Variants in SLC2A13 observed in about 807,000 individuals in gnomAD.
SLC2A13 encodes the protein solute carrier family 2 member 13.
Under a neutral mutation model 64.4 loss-of-function variants are expected in SLC2A13, and 32 were observed. The observed-to-expected ratio is 0.50, with a 90% CI of 0.37 to 0.67. The LOEUF (loss-of-function observed/expected upper bound fraction) is 0.67, where lower values mean the gene tolerates loss of function less well. SLC2A13 is among the 30% of genes least tolerant of loss of function. The probability of loss-of-function intolerance (pLI) is 0.00; values close to 1 mark genes in which losing one functional copy is unlikely to be tolerated. For synonymous variants in SLC2A13, 338 were observed against 327.1 expected, an observed-to-expected ratio of 1.03 and a Z score of -0.36; for missense variants, 743 against 829.2, an observed-to-expected ratio of 0.90 and a Z score of 1.28.
At chr12:39,999,496 C>T (rs541409937) in intron 3 of SLC2A13, among the ~76,000 whole-genome samples, 1 of 152,082 alleles carries the variant, frequency 6.6e-6, no homozygotes, top group Non-Finnish European at 1.5e-5. Flanking sequence ...GAGATAAGGA[C>T]TGAAATATGC....
chr12:39,954,095 G>T (rs1946277478), intron 3 of SLC2A13, among the ~76,000 whole-genome samples: 1 of 152,174 alleles, frequency 6.6e-6, no homozygotes, highest in South Asian at 2.1e-4. Flanking sequence ...ATGCAAAAAT[G>T]CATGAAACAA....
At chr12:39,981,782 T>C (rs1464819979) in intron 3 of SLC2A13, among the ~76,000 whole-genome samples, 1 of 137,500 alleles carries the variant, frequency 7.3e-6, no homozygotes, top group Non-Finnish European at 1.6e-5. Context: ...TCTGAAACTA[T>C]TCCAATCAAT....
intron 7 of SLC2A13, among the ~76,000 whole-genome samples, chr12:39,773,091 A>T (rs879524885): frequency 5.3e-5 from 8 of 152,244 alleles, no homozygotes; most frequent in Non-Finnish European, 1.0e-4. Context: ...GTAGAAGAAC[A>T]TAATGCTCCC....
chr12:40,034,684 A>G (rs1947951394), intron 2 of SLC2A13, among the ~76,000 whole-genome samples: 1 of 152,188 alleles, frequency 6.6e-6, no homozygotes, highest in African/African-American at 2.4e-5. Flanking sequence ...TTAAAATTCT[A>G]TAGCTTCAAG....
At chr12:39,963,955 A>G (rs192058946) in intron 3 of SLC2A13, among the ~76,000 whole-genome samples, 1 of 152,298 alleles carries the variant, frequency 6.6e-6, no homozygotes, top group Admixed American at 6.5e-5. Flanking sequence ...ATGGCCCATG[A>G]TCTTATGTTG....
chr12:40,056,276 T>C (rs763001946), intron 1 of SLC2A13, among the ~76,000 whole-genome samples: 1 of 151,844 alleles, frequency 6.6e-6, no homozygotes, highest in Non-Finnish European at 1.5e-5. Context: ...AGTTTAAGAA[T>C]AGTAGTGTTA....
chr12:39,955,925 AAAAT>A (rs1946307481), intron 3 of SLC2A13, among the ~76,000 whole-genome samples: 1 of 152,188 alleles, frequency 6.6e-6, no homozygotes, highest in South Asian at 2.1e-4. Flanking sequence ...CAACTGTGAG[AAAAT>A]AAATGTCTAC....
Position 39,759,953 on chromosome 12 carries a change from G to A in SLC2A13, c.*73C>T, listed in dbSNP as rs1940072298. 1 of 1,098,334 alleles carries A rather than the reference G, an allele frequency of 9.1e-7. No individual in the cohort carries two copies. The highest frequency in any genetic ancestry group is 2.4e-5 in the East Asian group (1 of 41,502). 68.0% of individuals were successfully genotyped at this position (1,098,334 alleles called of 1,614,324 possible). On this transcript the variant is annotated 3_prime_UTR_variant, in exon 10 of 10. Coordinates refer to ENST00000280871, the MANE Select transcript of SLC2A13 (RefSeq NM_052885.4). ...TGGAAAGAACCAGATTAGAAGCAGG[G>A]CAGTGAAGTCACCAATTGCTGTTCT...
At chr12:39,763,670 GC>G (rs2135712130) in intron 9 of SLC2A13, among the ~76,000 whole-genome samples, 1 of 152,200 alleles carries the variant, frequency 6.6e-6, no homozygotes, top group Non-Finnish European at 1.5e-5. Context: ...GGTCTAAGCA[GC>G]AGGCATTCCG....
chr12:39,816,876 A>T (rs1434396391), intron 7 of SLC2A13, among the ~76,000 whole-genome samples: 1 of 152,180 alleles, frequency 6.6e-6, no homozygotes, highest in Admixed American at 6.5e-5. Context: ...AATTTGAAAG[A>T]CTAATAAAAA....
At chr12:39,971,983 G>GGAAA (rs1946653695) in intron 3 of SLC2A13, among the ~76,000 whole-genome samples, 1 of 95,808 alleles carries the variant, frequency 1.0e-5, no homozygotes, top group Admixed American at 1.4e-4. Context: ...AGTGTCTCCA[G>GGAAA]AAAAAAAAAA....
intron 7 of SLC2A13, among the ~76,000 whole-genome samples, chr12:39,823,756 A>G (rs1308500006): frequency 6.6e-6 from 1 of 152,190 alleles, no homozygotes; most frequent in Non-Finnish European, 1.5e-5. Flanking sequence ...GCTTCTTCCA[A>G]TAATTTTTAA....
chr12:39,948,861 CAAAAT>C (rs1946183158), intron 4 of SLC2A13, among the ~76,000 whole-genome samples: 1 of 151,800 alleles, frequency 6.6e-6, no homozygotes, highest in Non-Finnish European at 1.5e-5. Flanking sequence ...CAAAGTAACA[CAAAAT>C]AAAAGGCATA....
At position 39,786,623 on chromosome 12, in the gene SLC2A13, G is replaced by A. The variant is rs141992233; in HGVS notation, c.1446-21765C>T. Among the ~76,000 whole-genome samples the A allele has an allele frequency of 1.3e-3, 191 of 152,264 alleles. 1 individual carries two copies. The highest frequency in any genetic ancestry group is 4.3e-3 in the African/African-American group (180 of 41,546). On this transcript the variant is annotated intron_variant, in intron 7 of 9. Transcript: ENST00000280871. ...GATATTCAGACTTGGGGCTCAGGAT[G>A]GTCAAAGCCATCTGGCTGCCCTGAC...
intron 7 of SLC2A13, among the ~76,000 whole-genome samples, chr12:39,823,772 G>A (rs565048212): frequency 2.0e-4 from 30 of 152,228 alleles, no homozygotes; most frequent in African/African-American, 7.2e-4. Context: ...TTTAAGAAGT[G>A]TTTTTCACAA....
At chr12:39,842,178 G>A (rs1191861780) in intron 6 of SLC2A13, among the ~76,000 whole-genome samples, 5 of 152,028 alleles carry the variant, frequency 3.3e-5, no homozygotes, top group Admixed American at 1.3e-4. Context: ...AGGAAAGCAG[G>A]CTGAACAATA....
intron 7 of SLC2A13, among the ~76,000 whole-genome samples, chr12:39,770,131 G>A (rs1246170022): frequency 6.6e-6 from 1 of 151,794 alleles, no homozygotes; most frequent in Non-Finnish European, 1.5e-5. Context: ...TCTAAATATA[G>A]GTGTCCTCTA....
intron 7 of SLC2A13, among the ~76,000 whole-genome samples, chr12:39,789,879 C>T (rs988771810): frequency 1.1e-4 from 16 of 151,952 alleles, no homozygotes; most frequent in Admixed American, 6.6e-4. Context: ...TCCAATTGGA[C>T]AGTTTGCCTA....
intron 3 of SLC2A13, among the ~76,000 whole-genome samples, chr12:39,983,982 T>C (rs1292457222): frequency 6.6e-6 from 1 of 150,856 alleles, no homozygotes; most frequent in African/African-American, 2.4e-5. Flanking sequence ...ATATACACCA[T>C]GGAATACTAT....
Sources: gnomAD v4.1 joint callset for allele counts (sites outside exome capture counted in the v4.1 genomes callset) on GRCh38, gnomAD v4.1.1 for gene constraint, MANE v1.5 for transcripts, NCBI Gene and HGNC (gene_info 2026-07-23, HGNC 2026-07-21) for gene names.